Variants in TNC observed in about 807,000 individuals in gnomAD.
TNC encodes the protein tenascin.
TNC carries 109 observed loss-of-function variants against 202.4 expected under a neutral mutation model. That is an observed-to-expected ratio of 0.54 (90% CI 0.46 to 0.63). The LOEUF (loss-of-function observed/expected upper bound fraction) is 0.63, where lower values mean the gene tolerates loss of function less well. Among genes scored for constraint, TNC ranks in the 30% least tolerant of loss-of-function variants. The pLI is 0.00. For missense variants in TNC, 2,756 were observed against 2,833.3 expected, an observed-to-expected ratio of 0.97 and a Z score of 0.62; for synonymous variants, 1,007 against 1,089.7, an observed-to-expected ratio of 0.92 and a Z score of 1.50.
chr9:115,076,444 C>T lies in TNC; in HGVS notation c.2806G>A (p.Ala936Thr), dbSNP rs766905487. 5.0e-6 allele frequency: 8 copies of T among 1,614,164 alleles called. No individual in the cohort carries two copies. The highest frequency in any genetic ancestry group is 2.7e-5 in the African/African-American group (2 of 75,040). The change falls in exon 8 of 28, where the codon GCT (alanine) becomes ACT (threonine). Residue 936 changes from alanine to threonine, a missense_variant. Ala to Thr is a moderately conservative substitution (Grantham distance 58). Around this residue, in one of 2 missense-constraint regions of TNC, gnomAD observed 2,559 missense variants for 2,546.0 expected, o/e 1.01. Transcript: ENST00000350763. ...KYAPISGGDH[A>T]EVDVPKSQQA... ...TGGCTCTTTGGAACATCAACCTCAG[C>T]GTGGTCCCCTCCAGAGATGGGGGCA... is the stretch of plus-strand genomic sequence containing the variant.
At position 115,065,166 on chromosome 9, in the gene TNC, T is replaced by A. The variant is rs146817913; in HGVS notation, c.3215-247A>T. 0.057 allele frequency among the ~76,000 whole-genome samples: 8,730 copies of A among 151,972 alleles called. 373 individuals carry two copies. The highest frequency in any genetic ancestry group is 0.092 in the Non-Finnish European group (6,241 of 67,918). ...ATCCCAGCGCTTTGGGAGGCCAAGG[T>A]GGGTGGATCATTTGAGGTCAGGGGT... On this transcript the variant is annotated intron_variant, in intron 10 of 27. Coordinates refer to ENST00000350763, the MANE Select transcript of TNC (RefSeq NM_002160.4).
chr9:115,068,494 C>A (rs1264432835), intron 10 of TNC, among the ~76,000 whole-genome samples: 1 of 152,180 alleles, frequency 6.6e-6, no homozygotes, highest in African/African-American at 2.4e-5. Context: ...GGGGCATGGT[C>A]ACATCCAAGC....
At chr9:115,111,927 C>T (rs1837102795) in intron 1 of TNC, among the ~76,000 whole-genome samples, 2 of 152,064 alleles carry the variant, frequency 1.3e-5, no homozygotes, top group Admixed American at 6.5e-5. Flanking sequence ...TCAACCCTGT[C>T]CAACACAGAC....
intron 1 of TNC, among the ~76,000 whole-genome samples, chr9:115,101,119 C>A (rs1036151952): frequency 1.3e-5 from 2 of 152,140 alleles, no homozygotes; most frequent in Non-Finnish European, 2.9e-5. Flanking sequence ...GTGCCAAGCC[C>A]TGAGTTAAGT....
chr9:115,086,735 G>T lies in TNC; in HGVS notation c.996C>A (p.Cys332Ter). The T allele has an allele frequency of 6.2e-7, 1 of 1,613,776 alleles. No homozygotes were observed. The highest frequency in any genetic ancestry group is 8.5e-7 in the Non-Finnish European group (1 of 1,179,992). The stretch of plus-strand genomic sequence containing the variant: ...AGTCTTCACCTGTGAAGCCTTCTTC[G>T]CAGTAGCAGGTGCCATTGATGCAGC... ...RGRCINGTCY[C>*]EEGFTGEDCG... The change falls in exon 3 of 28, where the codon TGC (cysteine) becomes TGA (stop). Residue 332 changes from cysteine to a stop codon, truncating the protein, a stop_gained. Coordinates refer to ENST00000350763, the MANE Select transcript of TNC (RefSeq NM_002160.4). LOFTEE classifies it high-confidence loss of function.
At chr9:115,025,443 T>C (rs1215186444) in intron 26 of TNC, among the ~76,000 whole-genome samples, 1 of 152,172 alleles carries the variant, frequency 6.6e-6, no homozygotes, top group East Asian at 1.9e-4. Flanking sequence ...CTTTCAGGGC[T>C]CAGGGAGGCT....
chr9:115,027,705 T>C (rs1398714042), intron 25 of TNC, among the ~76,000 whole-genome samples: 1 of 152,134 alleles, frequency 6.6e-6, no homozygotes, highest in African/African-American at 2.4e-5. Context: ...GGGTAGGCAG[T>C]GGTGCATAGA....
chr9:115,104,241 C>A (rs895903589), intron 1 of TNC, among the ~76,000 whole-genome samples: 1 of 152,146 alleles, frequency 6.6e-6, no homozygotes, highest in African/African-American at 2.4e-5. Context: ...TTGGCTCTTT[C>A]AGAAGCATTG....
intron 1 of TNC, among the ~76,000 whole-genome samples, chr9:115,092,782 C>T (rs1483937930): frequency 1.3e-5 from 2 of 149,754 alleles, no homozygotes; most frequent in African/African-American, 4.9e-5. Context: ...GTTGGAGTTT[C>T]ACCATGTTCC....
intron 1 of TNC, among the ~76,000 whole-genome samples, chr9:115,103,928 T>C (rs967624342): frequency 6.6e-6 from 1 of 152,118 alleles, no homozygotes; most frequent in African/African-American, 2.4e-5. Context: ...ATATTTGTGG[T>C]TTAGTATACC....
chr9:115,033,118 A>G (rs535623393), intron 22 of TNC, among the ~76,000 whole-genome samples: 1 of 152,330 alleles, frequency 6.6e-6, no homozygotes, highest in East Asian at 1.9e-4. Flanking sequence ...CAGAGAAGCT[A>G]AAAGACTTGC....
At chr9:115,099,263 TG>T (rs1836038190) in intron 1 of TNC, among the ~76,000 whole-genome samples, 1 of 152,214 alleles carries the variant, frequency 6.6e-6, no homozygotes, top group South Asian at 2.1e-4. Context: ...CTAGTGGTGG[TG>T]GGGTGTTTCA....
Position 115,038,968 on chromosome 9 carries a change from C to T in TNC, c.5393-588G>A, listed in dbSNP as rs1367145663. Among the ~76,000 whole-genome samples the T allele has an allele frequency of 3.9e-5, 6 of 152,152 alleles. No homozygotes were observed. The East Asian group carries it at 9.6e-4, about 24-fold the overall frequency. On this transcript the variant is annotated intron_variant, in intron 19 of 27. Transcript: ENST00000350763. ...TCAGCCTCCCAAGTAGCTGGGATTG[C>T]AGGTGTGCACCACCAAGCCCAGCTA...
rs185918520 is a variant in TNC, at chr9:115,105,575, C to G, written c.-137+12407G>C. Among the ~76,000 whole-genome samples the G allele has an allele frequency of 3.2e-3, 480 of 152,116 alleles. 2 individuals carry two copies. The highest frequency in any genetic ancestry group is 0.011 in the African/African-American group (457 of 41,506). ...TGGTTTGCATAACTAAGGTCGGGGT[C>G]CAGAGAAACTACTGGTAATGAAATA... is the stretch of plus-strand genomic sequence containing the variant. On this transcript the variant is annotated intron_variant, in intron 1 of 27. Coordinates refer to ENST00000350763, the MANE Select transcript of TNC (RefSeq NM_002160.4).
chr9:115,035,111 G>A (rs1830219849), intron 22 of TNC, 93 bp downstream of exon 22: 3 of 1,421,798 alleles, frequency 2.1e-6, no homozygotes, highest in South Asian at 1.4e-5. Context: ...GATGCACTGG[G>A]GTAGAAAAAC....
At position 115,030,339 on chromosome 9, in the gene TNC, C is replaced by CCAGA; in HGVS notation, c.5983_5986dup (p.Gly1996ValfsTer11). On this transcript the variant is annotated frameshift_variant, in exon 24 of 28. Transcript: ENST00000350763. LOFTEE classifies it high-confidence loss of function. ...ACCATTCAGATAAATGGTGTAGAGGCCAGAGGTCGTGTCTCCATTCAGCAT... is the reference window on the plus strand; with the variant it reads ...ACCATTCAGATAAATGGTGTAGAGGCCAGACAGAGGTCGTGTCTCCATTCAGCAT... 2 of 1,613,376 alleles carry CCAGA rather than the reference C, an allele frequency of 1.2e-6. No homozygotes were observed. The highest frequency in any genetic ancestry group is 1.7e-6 in the Non-Finnish European group (2 of 1,179,640).
Position 115,035,325 on chromosome 9 carries a change from G to C in TNC, c.5666C>G (p.Ser1889Cys), listed in dbSNP as rs756586989. The C allele has an allele frequency of 2.5e-6, 4 of 1,611,864 alleles. No homozygotes were observed. The Admixed American group carries it at 6.7e-5, about 27-fold the overall frequency. ...CTCAGTAGCAGTCAAGTCTCTTGGAGAATCGAGGTCTGGAGAAGACAGGAT... is the reference window on the plus strand; with the variant it reads ...CTCAGTAGCAGTCAAGTCTCTTGGACAATCGAGGTCTGGAGAAGACAGGAT... Reference protein sequence around the residue: ...ITAKFTTDLDSPRDLTATEVQ... With the variant: ...ITAKFTTDLDCPRDLTATEVQ... The change falls in exon 22 of 28, where the codon TCT (serine) becomes TGT (cysteine). Residue 1889 changes from serine (S) to cysteine (C), a missense_variant. Physicochemically the swap from Ser to Cys is moderately radical, Grantham distance 112. This residue lies in a region of TNC where 2,559 missense variants were observed against 2,546.0 expected (regional missense o/e 1.01). Coordinates refer to ENST00000350763, the MANE Select transcript of TNC (RefSeq NM_002160.4).
chr9:115,040,693 C>G (rs1049479774), intron 19 of TNC, among the ~76,000 whole-genome samples: 20 of 152,074 alleles, frequency 1.3e-4, no homozygotes, highest in African/African-American at 4.3e-4. Flanking sequence ...TCACAATAGT[C>G]CAGGAAATGG....
intron 1 of TNC, among the ~76,000 whole-genome samples, chr9:115,095,036 T>C (rs1238749302): frequency 6.6e-6 from 1 of 152,126 alleles, no homozygotes; most frequent in Non-Finnish European, 1.5e-5. Context: ...TAGAATGGCA[T>C]TGAAGGGCAC....
Sources: allele counts gnomAD v4.1 joint callset (sites outside exome capture counted in the v4.1 genomes callset), GRCh38; gene constraint gnomAD v4.1.1; regional missense constraint gnomAD v4.1.1; transcripts MANE v1.5; gene names NCBI Gene and HGNC (gene_info 2026-07-23, HGNC 2026-07-21).